RHOBTB1: variants seen among roughly 807,000 people sequenced by gnomAD.
RHOBTB1 encodes the protein Rho related BTB domain containing 1.
In RHOBTB1, 40 loss-of-function variants were observed where a neutral mutation model predicts 71.6. The ratio of observed to expected loss-of-function variants is 0.56; its 90% CI spans 0.43 to 0.73. The LOEUF (loss-of-function observed/expected upper bound fraction) is 0.73. RHOBTB1 is among the 30% of genes least tolerant of loss of function. The pLI, the probability that RHOBTB1 is intolerant of heterozygous loss-of-function variation, is 0.00. For missense variants in RHOBTB1, 797 were observed against 894.0 expected, an observed-to-expected ratio of 0.89 and a Z score of 1.38; for synonymous variants, 319 against 334.9, an observed-to-expected ratio of 0.95 and a Z score of 0.52.
chr10:60,967,182 G>A (rs1946591), intron 2 of RHOBTB1, among the ~76,000 whole-genome samples: 76,893 of 151,132 alleles, frequency 0.51, 19,914 homozygotes, highest in East Asian at 0.77. Context: ...GTAGTAGTCC[G>A]GGCAAGGGAA....
Position 60,892,803 on chromosome 10 carries a change from G to A in RHOBTB1, c.482+7C>T. On this transcript the variant is annotated splice_region_variant and intron_variant, in intron 5 of 10. Coordinates refer to ENST00000337910, the MANE Select transcript of RHOBTB1 (RefSeq NM_014836.5). ...AGGACAGGGAAACACTGAGTCCCTT[G>A]GCTTACCTTGCTAACGGGCGCCTGG... 6.2e-7 allele frequency: 1 copy of A among 1,610,266 alleles called. No homozygotes were observed. Among genetic ancestry groups the A allele is most frequent in the Non-Finnish European group, 8.5e-7 (1 of 1,178,158 alleles).
intron 2 of RHOBTB1, among the ~76,000 whole-genome samples, chr10:60,924,692 C>T (rs1455944070): frequency 6.6e-6 from 1 of 152,166 alleles, no homozygotes; most frequent in Non-Finnish European, 1.5e-5. Flanking sequence ...TTGCAGAATA[C>T]ATATTCTTCT....
intron 2 of RHOBTB1, among the ~76,000 whole-genome samples, chr10:60,949,253 C>T (rs1014749751): frequency 2.6e-5 from 4 of 152,222 alleles, no homozygotes; most frequent in Non-Finnish European, 5.9e-5. Flanking sequence ...GATGTCCAGC[C>T]TTCCATCTAG....
chr10:60,906,386 G>A (rs182658773), intron 4 of RHOBTB1, among the ~76,000 whole-genome samples: 42 of 152,300 alleles, frequency 2.8e-4, no homozygotes, highest in Admixed American at 6.5e-4. Context: ...GTAATAGATG[G>A]TGAGTGCTGG....
At chr10:60,872,100 A>C in intron 10 of RHOBTB1, 85 bp downstream of exon 10, 1 of 1,005,918 alleles carries the variant, frequency 9.9e-7, no homozygotes, top group Non-Finnish European at 1.6e-6. Context: ...CCTGCTGACC[A>C]TGTTCCTTTC....
intron 3 of RHOBTB1, 83 bp from the exon 4 acceptor site, chr10:60,911,073 T>G: frequency 9.5e-7 from 1 of 1,047,406 alleles, no homozygotes; most frequent in Middle Eastern, 2.1e-4. Flanking sequence ...GCACCCTCAG[T>G]GCCATCAATT....
chr10:60,888,500 T>C lies in RHOBTB1; in HGVS notation c.1168A>G (p.Ile390Val), dbSNP rs1169177722. The C allele has an allele frequency of 3.1e-6, 5 of 1,614,058 alleles. No homozygotes were observed. The African/African-American group carries it at 5.3e-5, about 17-fold the overall frequency. ...GTCATGGGCCCCATCCGCTTTGAAA[T>C]GGGGTTGACTTGCATTTCCCTGTGC... The part of the protein sequence containing the change: ...GMHREMQVNP[I>V]SKRMGPMTVV... The change falls in exon 6 of 11, where the codon ATT (isoleucine) becomes GTT (valine). Residue 390 changes from isoleucine to valine, a missense_variant. Around this residue, in one of 2 missense-constraint regions of RHOBTB1, gnomAD observed 658 missense variants for 681.5 expected, o/e 0.97. Transcript: ENST00000337910.
upstream of RHOBTB1, among the ~76,000 whole-genome samples, chr10:60,948,960 G>C (rs1350386951): frequency 6.6e-6 from 1 of 152,190 alleles, no homozygotes; most frequent in Non-Finnish European, 1.5e-5. Context: ...CAGCTTCCTT[G>C]AACAAATCAT....
chr10:60,866,047 G>T (rs941026547), downstream of RHOBTB1, among the ~76,000 whole-genome samples: 5 of 152,172 alleles, frequency 3.3e-5, no homozygotes, highest in Non-Finnish European at 7.3e-5. Flanking sequence ...GGCCAGGCTG[G>T]TCTCAAACTC....
chr10:60,861,208 C>T, the RHOBTB1 span, among the ~76,000 whole-genome samples: 13 of 152,180 alleles, frequency 8.5e-5, no homozygotes, highest in Admixed American at 7.9e-4. Flanking sequence ...GGTTATAGGA[C>T]GTTCTGTTTG....
chr10:60,981,170 TTCTC>T (rs1303478723), intron 2 of RHOBTB1, among the ~76,000 whole-genome samples: 1 of 152,172 alleles, frequency 6.6e-6, no homozygotes, highest in African/African-American at 2.4e-5. Context: ...CATTTGAAGT[TTCTC>T]TGTCAGTAAA....
At chr10:60,883,656 G>A (rs2081431480) in intron 7 of RHOBTB1, among the ~76,000 whole-genome samples, 1 of 152,146 alleles carries the variant, frequency 6.6e-6, no homozygotes, top group Non-Finnish European at 1.5e-5. Context: ...CAAATTGGTG[G>A]CTACCCTAGC....
intron 2 of RHOBTB1, among the ~76,000 whole-genome samples, chr10:60,931,311 C>G (rs535332418): frequency 4.6e-5 from 7 of 152,282 alleles, no homozygotes; most frequent in African/African-American, 1.2e-4. Context: ...CCCAAAGAAA[C>G]CTTGTGCCCA....
chr10:60,984,056 ATTG>A (rs771688406), intron 2 of RHOBTB1, among the ~76,000 whole-genome samples: 2 of 152,146 alleles, frequency 1.3e-5, no homozygotes, highest in African/African-American at 4.8e-5. Flanking sequence ...AACTTTCTGA[ATTG>A]TTGTACTCTG....
At chr10:60,985,971 G>A (rs1376053479) in intron 1 of RHOBTB1, 1 of 152,086 alleles carries the variant, frequency 6.6e-6, no homozygotes, top group Non-Finnish European at 1.5e-5. Flanking sequence ...ATACAAGCAT[G>A]GAATGTTTCA....
chr10:60,880,132 G>T (rs1265374631), intron 7 of RHOBTB1, among the ~76,000 whole-genome samples: 1 of 144,872 alleles, frequency 6.9e-6, no homozygotes, highest in Non-Finnish European at 1.5e-5. Flanking sequence ...GTCTGAGTTG[G>T]GGGGGTGGTC....
In RHOBTB1 at chr10:60,905,048, T is replaced by C. The variant is rs141997936; in HGVS notation, c.296+5839A>G. On this transcript the variant is annotated intron_variant, in intron 4 of 10. Coordinates refer to ENST00000337910, the MANE Select transcript of RHOBTB1 (RefSeq NM_014836.5). ...GTTACTTTGCTATCTATTTATAAAGTCTGCCATTAGGGCCAGTACTTGAGT... is the reference window on the plus strand; with the variant it reads ...GTTACTTTGCTATCTATTTATAAAGCCTGCCATTAGGGCCAGTACTTGAGT... 2.8e-4 allele frequency among the ~76,000 whole-genome samples: 43 copies of C among 152,204 alleles called. No individual in the cohort carries two copies. The East Asian group carries it at 6.6e-3, about 23-fold the overall frequency.
intron 2 of RHOBTB1, among the ~76,000 whole-genome samples, chr10:60,978,053 AT>A (rs1428332516): frequency 7.9e-5 from 12 of 152,292 alleles, no homozygotes; most frequent in African/African-American, 2.9e-4. Flanking sequence ...AATGTATAAA[AT>A]TATTGCTAAG....
chr10:60,909,092 C>T lies in RHOBTB1; in HGVS notation c.296+1795G>A, dbSNP rs578225945. On this transcript the variant is annotated intron_variant, in intron 4 of 10. Transcript: ENST00000337910. ...TATTTTTGTTGGGAGGGAACACACA[C>T]GCAGGTATGGCATGTTGTATTGTAA... is the stretch of plus-strand genomic sequence containing the variant. Among the ~76,000 whole-genome samples, 12 of 152,262 alleles carry T rather than the reference C, an allele frequency of 7.9e-5. No individual in the cohort carries two copies. The South Asian group carries it at 1.9e-3, about 24-fold the overall frequency.
Sources: gnomAD v4.1 joint callset for allele counts (sites outside exome capture counted in the v4.1 genomes callset) on GRCh38, gnomAD v4.1.1 for gene constraint, gnomAD v4.1.1 regional missense constraint, MANE v1.5 for transcripts, NCBI Gene and HGNC (gene_info 2026-07-23, HGNC 2026-07-21) for gene names.